DNTT: variants seen among roughly 807,000 people sequenced by gnomAD.
DNTT encodes DNA nucleotidylexotransferase.
A neutral mutation model predicts 60.9 loss-of-function variants in DNTT; 47 were observed. The ratio of observed to expected loss-of-function variants is 0.77; its 90% CI spans 0.61 to 0.98. The LOEUF is 0.98. Ranked by LOEUF, DNTT falls within the 50% of genes least tolerant of loss-of-function variation. The probability of loss-of-function intolerance (pLI) is 0.00; values close to 1 mark genes in which losing one functional copy is unlikely to be tolerated. For missense variants in DNTT, 665 were observed against 627.5 expected, an observed-to-expected ratio of 1.06 and a Z score of -0.64; for synonymous variants, 224 against 221.2, an observed-to-expected ratio of 1.01 and a Z score of -0.11.
rs374347107 is a variant in DNTT, at chr10:96,330,068, C to G, written c.1113+1238C>G. Among the ~76,000 whole-genome samples, 19 of 152,288 alleles carry G rather than the reference C, an allele frequency of 1.2e-4. No homozygotes were observed. In the East Asian group the frequency reaches 2.1e-3, roughly 17 times the overall value. ...AACCAGTGGGTATTGATGGGGAAGC[C>G]AGAGCCCAGAGGGCTGCCCTGTAGA... On this transcript the variant is annotated intron_variant, in intron 8 of 10. Transcript: ENST00000371174.
chr10:96,318,360 T>A lies in DNTT; in HGVS notation c.212T>A (p.Val71Asp), dbSNP rs1844815358. Residue 71 changes from valine to aspartate, a missense_variant, in exon 2 of 11, where the codon GTC (valine) becomes GAC (aspartate). Physicochemically the swap from Val to Asp is radical, Grantham distance 152 (BLOSUM62 -3). Coordinates refer to ENST00000371174, the MANE Select transcript of DNTT (RefSeq NM_004088.4). ...FRVENELSDS[V>D]THIVAENNSG... is the part of the protein sequence containing the mutation. ...TGTCTTGCATTTTGCAGTGATTCTG[T>A]CACCCACATCGTAGCAGAGAACAAC... 4 of 1,610,564 alleles carry A rather than the reference T, an allele frequency of 2.5e-6. No homozygotes were observed. The highest frequency in any genetic ancestry group is 3.4e-6 in the Non-Finnish European group (4 of 1,177,962).
intron 7 of DNTT, 109 bp from the exon 8 acceptor site, chr10:96,328,616 C>G: frequency 9.6e-7 from 1 of 1,037,196 alleles, no homozygotes; most frequent in South Asian, 1.8e-5. Flanking sequence ...AAGTCAAGAA[C>G]CTTCTATGTT....
intron 1 of DNTT, among the ~76,000 whole-genome samples, chr10:96,307,512 G>T (rs1473728252): frequency 8.0e-5 from 12 of 150,260 alleles, no homozygotes; most frequent in Non-Finnish European, 3.0e-5. Flanking sequence ...GCGTCAGCAC[G>T]CCCAGATAAT....
rs763295669 is a variant in DNTT, at chr10:96,332,384, A to G, written c.1147A>G (p.Thr383Ala). ...TTTATATTATGACCTTGTGGAGTCA[A>G]CATTTGAAAAGCTCAGGTTGCCTAG... ...LLLYYDLVES[T>A]FEKLRLPSRK... The change falls in exon 9 of 11, where the codon ACA becomes GCA. Residue 383 changes from threonine (T) to alanine (A), a missense_variant. Transcript: ENST00000371174. The G allele has an allele frequency of 6.2e-7, 1 of 1,614,180 alleles. No individual in the cohort carries two copies. The highest frequency in any genetic ancestry group is 1.7e-5 in the Admixed American group (1 of 60,028).
At position 96,338,057 on chromosome 10, in the gene DNTT, A is replaced by G. The variant is rs1016990799; in HGVS notation, c.1444-81A>G. Reference sequence around the variant, plus strand: ...TAATTCATTCTGACAAGGCAATTTTATAAGTAACACTTTCACTGTGTCCAC... The same window carrying G: ...TAATTCATTCTGACAAGGCAATTTTGTAAGTAACACTTTCACTGTGTCCAC... On this transcript the variant is annotated intron_variant, in intron 10 of 10. Coordinates refer to ENST00000371174, the MANE Select transcript of DNTT (RefSeq NM_004088.4). 5 of 1,244,446 alleles carry G rather than the reference A, an allele frequency of 4.0e-6. No homozygotes were observed. In the African/African-American group the frequency reaches 4.5e-5, roughly 11 times the overall value. The allele number at this position is 1,244,446 out of a possible 1,614,324, so 77.1% of individuals were successfully genotyped here. A position where few individuals can be genotyped will look rare whatever the true frequency, so the allele number is the denominator to read the frequency against.
intron 10 of DNTT, among the ~76,000 whole-genome samples, chr10:96,336,545 GA>G (rs1333260549): frequency 6.6e-6 from 1 of 152,186 alleles, no homozygotes; most frequent in Non-Finnish European, 1.5e-5. Context: ...GAAGTTAGAA[GA>G]GTTAAATATC....
intron 8 of DNTT, among the ~76,000 whole-genome samples, chr10:96,329,115 C>A (rs1844974712): frequency 6.6e-6 from 1 of 152,158 alleles, no homozygotes; most frequent in African/African-American, 2.4e-5. Flanking sequence ...ATTAAAGCAC[C>A]CAATCAAAGT....
At chr10:96,328,032 C>T (rs905054035) in intron 7 of DNTT, among the ~76,000 whole-genome samples, 1 of 152,184 alleles carries the variant, frequency 6.6e-6, no homozygotes, top group Non-Finnish European at 1.5e-5. Context: ...TGTGGTTTCT[C>T]CACTAAGTTT....
intron 1 of DNTT, among the ~76,000 whole-genome samples, 168 bp downstream of exon 1, chr10:96,304,868 G>C (rs1042416387): frequency 3.9e-5 from 6 of 152,178 alleles, no homozygotes; most frequent in African/African-American, 1.2e-4. Context: ...AACGAGATAA[G>C]TGGGGACTGA....
chr10:96,323,057 A>G (rs1844899798), intron 5 of DNTT, among the ~76,000 whole-genome samples: 1 of 152,216 alleles, frequency 6.6e-6, no homozygotes, highest in South Asian at 2.1e-4. Context: ...CTGTAATCCA[A>G]GCACTTTGGG....
At chr10:96,323,063 T>C (rs1176034935) in intron 5 of DNTT, among the ~76,000 whole-genome samples, 1 of 152,130 alleles carries the variant, frequency 6.6e-6, no homozygotes, top group African/African-American at 2.4e-5. Flanking sequence ...TCCAAGCACT[T>C]TGGGAGGCCA....
rs937736606 is a variant in DNTT at position 96,315,200 on chromosome 10, C to T, written c.204-3152C>T. ...TCTTAAATTATTTGTGGCAAAGGAC[C>T]AGTTTTCAAAAAATGTGTTGAAGAC... On this transcript the variant is annotated intron_variant, in intron 1 of 10. Coordinates refer to ENST00000371174, the MANE Select transcript of DNTT (RefSeq NM_004088.4). Among the ~76,000 whole-genome samples, 14 of 150,192 alleles carry T rather than the reference C, an allele frequency of 9.3e-5. 1 individual carries two copies. Among genetic ancestry groups the T allele is most frequent in the African/African-American group, 3.4e-4 (14 of 40,820 alleles).
At chr10:96,327,650 T>C (rs1364304764) in intron 7 of DNTT, 50 bp downstream of exon 7, 2 of 1,574,848 alleles carry the variant, frequency 1.3e-6, no homozygotes, top group Non-Finnish European at 8.6e-7. Flanking sequence ...CTTCAGTGGC[T>C]CCCTGACTTG....
chr10:96,329,371 G>T (rs539458478), intron 8 of DNTT, among the ~76,000 whole-genome samples: 10 of 152,332 alleles, frequency 6.6e-5, no homozygotes, highest in African/African-American at 2.4e-4. Flanking sequence ...CAGGCCTATT[G>T]CCTGGTGGAG....
intron 6 of DNTT, 33 bp from the exon 7 acceptor site, chr10:96,327,435 C>T (rs1564873654): frequency 6.2e-7 from 1 of 1,613,874 alleles, no homozygotes; most frequent in Non-Finnish European, 8.5e-7. Flanking sequence ...ACACGTGTCA[C>T]TCTCTCCATT....
In DNTT at chr10:96,319,368, ACAACTG is replaced by A. The variant is rs2133988082; in HGVS notation, c.486_491del (p.Cys164_Asn165del). The A allele has an allele frequency of 1.2e-6, 2 of 1,613,800 alleles. No homozygotes were observed. The highest frequency in any genetic ancestry group is 4.5e-5 in the East Asian group (2 of 44,872). On this transcript the variant is annotated inframe_deletion, in exon 3 of 11. Coordinates refer to ENST00000371174, the MANE Select transcript of DNTT (RefSeq NM_004088.4). ...GCGTGTCAGAGAAGAACCACTTTAA[ACAACTG>A]TAACCAGATATTCACGGTAACGGGA...
chr10:96,307,705 G>GTGTATATATATATATATATA (rs1354977619), intron 1 of DNTT, among the ~76,000 whole-genome samples: 10 of 52,886 alleles, frequency 1.9e-4, no homozygotes, highest in Non-Finnish European at 3.1e-4. Flanking sequence ...GTGTGTGTGT[G>GTGTATATATATATATATATA]TATATATATA....
At chr10:96,317,233 C>T (rs925867582) in intron 1 of DNTT, among the ~76,000 whole-genome samples, 2 of 152,158 alleles carry the variant, frequency 1.3e-5, no homozygotes, top group Non-Finnish European at 2.9e-5. Flanking sequence ...GTATCATTTA[C>T]CAGCTGTGTG....
At chr10:96,336,864 G>C (rs927753067) in intron 10 of DNTT, among the ~76,000 whole-genome samples, 5 of 149,238 alleles carry the variant, frequency 3.4e-5, no homozygotes, top group Non-Finnish European at 5.9e-5. Context: ...CTTGAACCCG[G>C]GAGGCAGAGG....
Sources: allele counts gnomAD v4.1 joint callset (sites outside exome capture counted in the v4.1 genomes callset), GRCh38; gene constraint gnomAD v4.1.1; transcripts MANE v1.5; gene names NCBI Gene and HGNC (gene_info 2026-07-23, HGNC 2026-07-21).